The following CNTN4 variants were observed in gnomAD, a reference collection of about 807,000 sequenced individuals.
The protein encoded by CNTN4 is contactin-4.
CNTN4 carries 77 observed loss-of-function variants against 122.5 expected under a neutral mutation model. The observed-to-expected ratio is 0.63, with a 90% CI of 0.52 to 0.76. The LOEUF (loss-of-function observed/expected upper bound fraction) is 0.76. CNTN4 is among the 30% of genes least tolerant of loss of function. CNTN4 has a pLI of 0.00. For synonymous variants in CNTN4, 512 were observed against 447.0 expected, an observed-to-expected ratio of 1.15 and a Z score of -1.83; for missense variants, 1,256 against 1,259.1, an observed-to-expected ratio of 1.00 and a Z score of 0.04.
At chr3:2,486,566 A>AC (rs2076169070) in intron 3 of CNTN4, among the ~76,000 whole-genome samples, 1 of 152,116 alleles carries the variant, frequency 6.6e-6, no homozygotes. Context: ...CTACTGTGTT[A>AC]CCCCCCGGAT....
chr3:2,907,570 C>CAA (rs34860687), intron 12 of CNTN4, among the ~76,000 whole-genome samples: 67,492 of 133,138 alleles, frequency 0.51, 15,860 homozygotes, highest in East Asian at 0.65. Flanking sequence ...GAGACTGTCT[C>CAA]AAAAAAAAAA....
chr3:2,486,747 C>T (rs2076174350), intron 3 of CNTN4, among the ~76,000 whole-genome samples: 1 of 152,044 alleles, frequency 6.6e-6, no homozygotes, highest in Non-Finnish European at 1.5e-5. Context: ...TATTTGGGTA[C>T]AACTGTAAAG....
chr3:2,878,538 C>A (rs2093871215), intron 8 of CNTN4, among the ~76,000 whole-genome samples: 1 of 124,804 alleles, frequency 8.0e-6, no homozygotes, highest in African/African-American at 2.8e-5. Flanking sequence ...AAGAGAACAA[C>A]AGAAGAGATG....
At chr3:3,005,900 T>TTG (rs1696569451) in intron 14 of CNTN4, among the ~76,000 whole-genome samples, 1 of 151,478 alleles carries the variant, frequency 6.6e-6, no homozygotes, top group South Asian at 2.1e-4. Flanking sequence ...TTTTTTTTTT[T>TTG]TTTGAGACGG....
At position 2,486,954 on chromosome 3, in the gene CNTN4, T is replaced by A. The variant is rs183746132; in HGVS notation, c.-88-84462T>A. Among the ~76,000 whole-genome samples the A allele has an allele frequency of 3.0e-3, 460 of 152,136 alleles. 2 individuals are homozygous for A. The highest frequency in any genetic ancestry group is 0.01 in the African/African-American group (419 of 41,522). ...TATCTTATGTATTTGTGTTCTTTTT[T>A]AAAAAAAATAAGTTAGGCGATCCTT... On this transcript the variant is annotated intron_variant, in intron 3 of 24. Coordinates refer to ENST00000418658, the MANE Select transcript of CNTN4 (RefSeq NM_175607.3).
chr3:2,357,006 GTGT>G (rs2044900950), intron 3 of CNTN4, among the ~76,000 whole-genome samples: 2 of 152,116 alleles, frequency 1.3e-5, no homozygotes, highest in South Asian at 4.2e-4. Context: ...AGATGGTATG[GTGT>G]TGTTTATTAT....
intron 7 of CNTN4, among the ~76,000 whole-genome samples, chr3:2,856,164 G>A (rs2093615881): frequency 1.3e-5 from 2 of 152,226 alleles, no homozygotes; most frequent in African/African-American, 4.8e-5. Flanking sequence ...AAAGTAAAGT[G>A]TATGTTCTCT....
chr3:2,588,828 A>G (rs1576119228), intron 4 of CNTN4, among the ~76,000 whole-genome samples: 1 of 149,846 alleles, frequency 6.7e-6, no homozygotes, highest in Non-Finnish European at 1.5e-5. Context: ...TAATGCCCCA[A>G]TGTAATAATA....
chr3:2,180,379 CCTTATCAATAG>C (rs2036961578), intron 2 of CNTN4, among the ~76,000 whole-genome samples: 1 of 151,894 alleles, frequency 6.6e-6, no homozygotes, highest in African/African-American at 2.4e-5. Context: ...TAAAGTTTAA[CCTTATCAATAG>C]TAGAATAGTA....
chr3:2,153,392 A>T (rs1333986025), intron 2 of CNTN4, among the ~76,000 whole-genome samples: 1 of 152,236 alleles, frequency 6.6e-6, no homozygotes, highest in Admixed American at 6.5e-5. Flanking sequence ...GAAGTGACAA[A>T]TGATGTCAAA....
chr3:2,925,231 T>C (rs546937947), intron 12 of CNTN4, among the ~76,000 whole-genome samples: 1 of 152,314 alleles, frequency 6.6e-6, no homozygotes, highest in African/African-American at 2.4e-5. Context: ...TTCCTCCCTT[T>C]GATGACCAAG....
intron 2 of CNTN4, among the ~76,000 whole-genome samples, chr3:2,206,038 G>A (rs1381262007): frequency 6.6e-6 from 1 of 152,106 alleles, no homozygotes; most frequent in Non-Finnish European, 1.5e-5. Flanking sequence ...TATTTTTACT[G>A]ACAGGTGAGA....
At chr3:2,143,384 C>G (rs1293900560) in intron 2 of CNTN4, among the ~76,000 whole-genome samples, 3 of 152,134 alleles carry the variant, frequency 2.0e-5, no homozygotes, top group Admixed American at 1.3e-4. Context: ...CAATAATGCT[C>G]ATTTTCTTGT....
Position 2,902,996 on chromosome 3 carries a change from A to G in CNTN4, c.1198A>G (p.Ser400Gly), listed in dbSNP as rs536704165. The change falls in exon 12 of 25, where the codon AGT (serine) becomes GGT (glycine). Residue 400 changes from serine to glycine, a missense_variant. Transcript: ENST00000418658. ...HGVIFSNAEL[S>G]VIAVGPDFSR... ...AGTTATCTTTTCCAACGCAGAGCTTAGTGTTATAGGTGAGTCTTTATACTG... is the reference window on the plus strand; with the variant it reads ...AGTTATCTTTTCCAACGCAGAGCTTGGTGTTATAGGTGAGTCTTTATACTG... The G allele has an allele frequency of 6.2e-7, 1 of 1,613,788 alleles. No individual in the cohort carries two copies. Among genetic ancestry groups the G allele is most frequent in the Non-Finnish European group, 8.5e-7 (1 of 1,179,816 alleles).
At position 2,108,432 on chromosome 3, in the gene CNTN4, G is replaced by C. The variant is rs370281405; in HGVS notation, c.-145+7793G>C. ...TTTCCCAGGACAGGGGGGTTCCCAG[G>C]ATGCTGGATATTCATTTTTAAAACC... is the stretch of plus-strand genomic sequence containing the variant. On this transcript the variant is annotated intron_variant, in intron 2 of 24. Transcript: ENST00000418658. Among the ~76,000 whole-genome samples the C allele has an allele frequency of 4.6e-5, 7 of 152,230 alleles. No individual in the cohort carries two copies. The South Asian group carries it at 1.5e-3, about 32-fold the overall frequency.
intron 3 of CNTN4, among the ~76,000 whole-genome samples, chr3:2,376,599 A>T (rs1358073637): frequency 6.8e-6 from 1 of 146,952 alleles, no homozygotes; most frequent in Admixed American, 6.9e-5. Flanking sequence ...CACTGTTTTT[A>T]GGTCTTTCTA....
At chr3:3,008,910 T>A (rs1009074344) in intron 14 of CNTN4, 1 of 980,544 alleles carries the variant, frequency 1.0e-6, no homozygotes, top group African/African-American at 1.7e-5. Context: ...ACCACCAAGA[T>A]CTAATAAGCT....
chr3:2,966,529 T>C (rs930312623), intron 13 of CNTN4, among the ~76,000 whole-genome samples: 5 of 152,134 alleles, frequency 3.3e-5, no homozygotes, highest in Admixed American at 3.3e-4. Context: ...AAAATGTAGT[T>C]AGACAGGATG....
intron 7 of CNTN4, among the ~76,000 whole-genome samples, chr3:2,837,474 C>T (rs988036298): frequency 9.9e-5 from 15 of 152,172 alleles, no homozygotes; most frequent in African/African-American, 2.4e-4. Context: ...CAGGCCCTCA[C>T]GGTGTTACTG....
Sources: allele counts gnomAD v4.1 joint callset (sites outside exome capture counted in the v4.1 genomes callset), GRCh38; gene constraint gnomAD v4.1.1; transcripts MANE v1.5; gene names NCBI Gene and HGNC (gene_info 2026-07-23, HGNC 2026-07-21).